SPAG16: variants seen among roughly 807,000 people sequenced by gnomAD.
SPAG16 encodes sperm associated antigen 16.
SPAG16 carries 86 observed loss-of-function variants against 80.4 expected under a neutral mutation model. The ratio of observed to expected loss-of-function variants is 1.07; its 90% CI spans 0.90 to 1.28. SPAG16 has a LOEUF of 1.28. SPAG16 is among the 50% of genes most tolerant of loss of function. The probability of loss-of-function intolerance (pLI) is 0.00; values close to 1 mark genes in which losing one functional copy is unlikely to be tolerated. For synonymous variants in SPAG16, 294 were observed against 265.9 expected (o/e 1.11, Z -1.03); for missense variants, 870 against 765.3 (o/e 1.14, Z -1.61).
At chr2:213,457,289 T>A (rs1343768085) in intron 9 of SPAG16, among the ~76,000 whole-genome samples, 2 of 152,210 alleles carry the variant, frequency 1.3e-5, no homozygotes, top group Admixed American at 6.5e-5. Context: ...TCTTCCTCTA[T>A]GAAGGTTTAG....
intron 11 of SPAG16, among the ~76,000 whole-genome samples, chr2:213,907,581 C>A (rs561184224): frequency 2.0e-5 from 3 of 152,046 alleles, no homozygotes; most frequent in Non-Finnish European, 4.4e-5. Flanking sequence ...GATAACTGTA[C>A]TCCTATGTTT....
chr2:213,959,371 T>C (rs575921325), intron 12 of SPAG16, among the ~76,000 whole-genome samples: 7 of 152,316 alleles, frequency 4.6e-5, no homozygotes, highest in Middle Eastern at 3.4e-3. Flanking sequence ...GTAAGTTGTT[T>C]GAAACCAGTT....
intron 9 of SPAG16, among the ~76,000 whole-genome samples, chr2:213,472,261 G>T (rs2073120055): frequency 6.6e-6 from 1 of 152,066 alleles, no homozygotes; most frequent in Admixed American, 6.6e-5. Flanking sequence ...TGGAGAAAAA[G>T]GCATTTGCCA....
chr2:214,289,496 T>C (rs961296954), intron 15 of SPAG16, among the ~76,000 whole-genome samples: 1 of 152,210 alleles, frequency 6.6e-6, no homozygotes, highest in Admixed American at 6.5e-5. Flanking sequence ...GGATGTCCTT[T>C]ACCAGCATGT....
chr2:214,061,182 A>G (rs1267278824), intron 13 of SPAG16, among the ~76,000 whole-genome samples: 2 of 152,206 alleles, frequency 1.3e-5, no homozygotes, highest in Admixed American at 6.5e-5. Flanking sequence ...ACACATATTT[A>G]TGAGGAAAGT....
At chr2:214,076,060 A>T (rs1255238510) in intron 13 of SPAG16, among the ~76,000 whole-genome samples, 1 of 152,198 alleles carries the variant, frequency 6.6e-6, no homozygotes, top group African/African-American at 2.4e-5. Context: ...TTAAATGTAT[A>T]TTTGACATAG....
intron 11 of SPAG16, among the ~76,000 whole-genome samples, chr2:213,870,543 A>T (rs2075906642): frequency 6.6e-6 from 1 of 152,182 alleles, no homozygotes. Flanking sequence ...TGGGTGTGGA[A>T]GAGTATTTGC....
chr2:214,126,462 A>G (rs754479693), intron 14 of SPAG16, among the ~76,000 whole-genome samples: 13 of 151,612 alleles, frequency 8.6e-5, no homozygotes, highest in Non-Finnish European at 1.5e-5. Flanking sequence ...GGCCTGGTTT[A>G]TGGTCATCAA....
Position 214,240,976 on chromosome 2 carries a change from TTTATGAA to T in SPAG16, c.1720+91711_1720+91717del, listed in dbSNP as rs539104975. The T allele has an allele frequency of 2.0e-4, 31 of 152,256 alleles. No individual in the cohort carries two copies. In the East Asian group the frequency reaches 5.6e-3, roughly 27 times the overall value. 9.4% of individuals were successfully genotyped at this position (152,256 alleles called of 1,614,324 possible). ...AATTATATCTACAGTCTCAACTCAT[TTTATGAA>T]ATATGAGTAACGGTAGGTATAGATA... On this transcript the variant is annotated intron_variant, in intron 15 of 15. Coordinates refer to ENST00000331683, the MANE Select transcript of SPAG16 (RefSeq NM_024532.5).
chr2:213,550,255 C>A (rs908441261), intron 10 of SPAG16, among the ~76,000 whole-genome samples: 5 of 151,370 alleles, frequency 3.3e-5, no homozygotes, highest in African/African-American at 1.2e-4. Context: ...ATTTATTGAA[C>A]AATGCTACTT....
intron 13 of SPAG16, among the ~76,000 whole-genome samples, chr2:214,068,704 T>TA (rs1456769487): frequency 6.6e-6 from 1 of 151,986 alleles, no homozygotes; most frequent in South Asian, 2.1e-4. Context: ...CTGGCAATTA[T>TA]AAAAGCTGAA....
intron 13 of SPAG16, among the ~76,000 whole-genome samples, chr2:214,060,925 A>G (rs917766868): frequency 1.3e-5 from 2 of 152,232 alleles, no homozygotes; most frequent in African/African-American, 4.8e-5. Context: ...TCAAGACATC[A>G]GACATCAGGC....
At chr2:214,015,749 T>A (rs1380253512) in intron 13 of SPAG16, among the ~76,000 whole-genome samples, 1 of 152,154 alleles carries the variant, frequency 6.6e-6, no homozygotes, top group Non-Finnish European at 1.5e-5. Context: ...TCAAGGTTAC[T>A]CTGGGGTCCT....
intron 15 of SPAG16, among the ~76,000 whole-genome samples, chr2:214,360,529 A>AT (rs1168213548): frequency 6.6e-6 from 1 of 151,770 alleles, no homozygotes; most frequent in East Asian, 1.9e-4. Context: ...TGTGATTGTC[A>AT]TTTTTTCTGA....
chr2:214,065,330 A>G (rs372247539), intron 13 of SPAG16, among the ~76,000 whole-genome samples: 19 of 152,304 alleles, frequency 1.2e-4, no homozygotes, highest in African/African-American at 4.3e-4. Context: ...TTATAAATCC[A>G]TTATATGAAA....
intron 10 of SPAG16, among the ~76,000 whole-genome samples, chr2:213,764,170 C>A (rs149221631): frequency 2.0e-5 from 3 of 152,058 alleles, no homozygotes; most frequent in Non-Finnish European, 4.4e-5. Context: ...ACTATGTAAA[C>A]GAGATTTTAA....
chr2:213,486,745 A>G (rs904894111), intron 9 of SPAG16, among the ~76,000 whole-genome samples: 4 of 152,110 alleles, frequency 2.6e-5, no homozygotes, highest in African/African-American at 7.2e-5. Context: ...GCTTCAATCA[A>G]TATCCCAGGA....
In SPAG16 at chr2:213,496,645, T is replaced by C. The variant is rs77934536; in HGVS notation, c.1070+6555T>C. On this transcript the variant is annotated intron_variant, in intron 10 of 15. Transcript: ENST00000331683. ...AAACATATAATTTAATTATTATATA[T>C]GGATATGTATAATATAAGCTTTAAG... Among the ~76,000 whole-genome samples the C allele has an allele frequency of 2.4e-3, 359 of 151,586 alleles. 13 individuals carry two copies. In the East Asian group the frequency reaches 0.059, roughly 25 times the overall value.
chr2:213,815,012 G>C (rs191867820), intron 10 of SPAG16, among the ~76,000 whole-genome samples: 3 of 151,884 alleles, frequency 2.0e-5, no homozygotes, highest in Admixed American at 1.3e-4. Flanking sequence ...TATATAAACA[G>C]ACGATTCAAA....
Sources: gnomAD v4.1 joint callset for allele counts (sites outside exome capture counted in the v4.1 genomes callset) on GRCh38, gnomAD v4.1.1 for gene constraint, MANE v1.5 for transcripts, NCBI Gene and HGNC (gene_info 2026-07-23, HGNC 2026-07-21) for gene names.